The following NALCN variants were observed in gnomAD, a reference collection of about 807,000 sequenced individuals.
NALCN encodes the protein sodium leak channel NALCN.
In NALCN, 111 loss-of-function variants were observed where a neutral mutation model predicts 225.3. The observed-to-expected ratio is 0.49, with a 90% CI of 0.42 to 0.58. NALCN has a LOEUF of 0.58. Ranked by LOEUF, NALCN falls within the 20% of genes least tolerant of loss-of-function variation. The pLI, the probability that NALCN is intolerant of heterozygous loss-of-function variation, is 0.00. For synonymous variants in NALCN, 764 were observed against 769.0 expected (o/e 0.99, Z 0.11); for missense variants, 1,378 against 2,202.4 (o/e 0.63, Z 7.49).
chr13:101,209,411 C>T (rs1024028911), intron 13 of NALCN, among the ~76,000 whole-genome samples: 18 of 152,146 alleles, frequency 1.2e-4, no homozygotes, highest in Non-Finnish European at 2.2e-4. Context: ...AAATTAGTCA[C>T]GCTTGGTCCG....
intron 18 of NALCN, among the ~76,000 whole-genome samples, chr13:101,115,254 GT>G (rs1177505805): frequency 1.3e-5 from 2 of 151,596 alleles, no homozygotes; most frequent in African/African-American, 4.8e-5. Context: ...AGAAGAGACA[GT>G]AATGAAAAAA....
intron 12 of NALCN, among the ~76,000 whole-genome samples, chr13:101,231,857 C>A (rs938831328): frequency 1.3e-5 from 2 of 152,190 alleles, no homozygotes; most frequent in Admixed American, 6.5e-5. Context: ...TTTAGCAAAT[C>A]ATTCCTACCC....
At chr13:101,330,817 C>A (rs185214965) in intron 7 of NALCN, among the ~76,000 whole-genome samples, 6 of 152,112 alleles carry the variant, frequency 3.9e-5, no homozygotes, top group Non-Finnish European at 7.3e-5. Flanking sequence ...CAAGATCTGA[C>A]GGTTTTATAA....
chr13:101,187,748 G>A (rs1203507271), intron 14 of NALCN, among the ~76,000 whole-genome samples: 2 of 152,168 alleles, frequency 1.3e-5, no homozygotes, highest in African/African-American at 4.8e-5. Flanking sequence ...GAGAGTGTAA[G>A]AACACAGGAA....
At chr13:101,274,851 T>C (rs1430091646) in intron 10 of NALCN, among the ~76,000 whole-genome samples, 1 of 152,124 alleles carries the variant, frequency 6.6e-6, no homozygotes, top group Admixed American at 6.6e-5. Context: ...AAATGATCCC[T>C]GAGTTGTAAG....
chr13:101,131,110 G>A (rs964116607), intron 17 of NALCN, among the ~76,000 whole-genome samples: 2 of 151,744 alleles, frequency 1.3e-5, no homozygotes, highest in Admixed American at 6.6e-5. Flanking sequence ...GTTCCTTCTC[G>A]TTTAGTTTTC....
At chr13:101,258,049 T>C (rs2042297022) in intron 11 of NALCN, among the ~76,000 whole-genome samples, 1 of 152,200 alleles carries the variant, frequency 6.6e-6, no homozygotes, top group South Asian at 2.1e-4. Flanking sequence ...CTTCCAGCCC[T>C]CTTCTACGTA....
At chr13:101,236,893 A>T (rs1272705717) in intron 12 of NALCN, among the ~76,000 whole-genome samples, 1 of 151,328 alleles carries the variant, frequency 6.6e-6, no homozygotes, top group Non-Finnish European at 1.5e-5. Context: ...GTGCACATGT[A>T]CCCTAAAACT....
intron 7 of NALCN, among the ~76,000 whole-genome samples, chr13:101,329,778 C>T (rs945599364): frequency 1.3e-5 from 2 of 152,086 alleles, no homozygotes. Flanking sequence ...GTGGCTCACA[C>T]CTGTAATCTC....
intron 6 of NALCN, among the ~76,000 whole-genome samples, chr13:101,349,861 A>C (rs911690610): frequency 5.6e-4 from 86 of 152,246 alleles, no homozygotes; most frequent in African/African-American, 1.9e-3. Context: ...CCTCCAGCTC[A>C]ATAGGTCCCT....
At chr13:101,195,751 TG>T (rs2039865277) in intron 13 of NALCN, among the ~76,000 whole-genome samples, 3 of 152,176 alleles carry the variant, frequency 2.0e-5, no homozygotes, top group African/African-American at 7.2e-5. Context: ...CTCCCAAATT[TG>T]GATGTAAATC....
intron 6 of NALCN, among the ~76,000 whole-genome samples, chr13:101,356,931 C>T (rs1294225191): frequency 1.3e-5 from 2 of 152,116 alleles, no homozygotes; most frequent in African/African-American, 2.4e-5. Context: ...GAACCAGAGA[C>T]AAAAGCCACA....
intron 41 of NALCN, 141 bp downstream of exon 41, chr13:101,061,827 T>TA: frequency 4.2e-6 from 3 of 708,558 alleles, no homozygotes; most frequent in Non-Finnish European, 6.8e-6. Flanking sequence ...TAAGTGGAGG[T>TA]AGTGGACATA....
chr13:101,340,442 C>T (rs1310126019), intron 7 of NALCN, among the ~76,000 whole-genome samples: 2 of 152,164 alleles, frequency 1.3e-5, no homozygotes, highest in Non-Finnish European at 2.9e-5. Context: ...ACCATTTTCC[C>T]TCAAATAACA....
At position 101,084,707 on chromosome 13, in the gene NALCN, G is replaced by A. The variant is rs577947763; in HGVS notation, c.3490-903C>T. 1.7e-3 allele frequency among the ~76,000 whole-genome samples: 266 copies of A among 152,178 alleles called. 1 individual carries two copies. The highest frequency in any genetic ancestry group is 5.7e-3 in the African/African-American group (238 of 41,524). On this transcript the variant is annotated intron_variant, in intron 30 of 43. Coordinates refer to ENST00000251127, the MANE Select transcript of NALCN (RefSeq NM_052867.4). ...TGCTCACAAACACCATCCACTGTAC[G>A]AATATCCGAAGTTATTCATTTTTGA...
At chr13:101,079,205 G>C (rs543117063) in intron 34 of NALCN, among the ~76,000 whole-genome samples, 1 of 152,132 alleles carries the variant, frequency 6.6e-6, no homozygotes. Context: ...ATTTTATCTG[G>C]AGAAAGGAAA....
intron 17 of NALCN, 163 bp downstream of exon 17, chr13:101,142,917 A>C: frequency 1.0e-6 from 1 of 1,002,906 alleles, no homozygotes; most frequent in Non-Finnish European, 1.5e-6. Context: ...CAATGCATAG[A>C]GTAAAAAATG....
At chr13:101,279,845 AAAT>A (rs201233613) in intron 10 of NALCN, among the ~76,000 whole-genome samples, 10 of 89,474 alleles carry the variant, frequency 1.1e-4, no homozygotes, top group Non-Finnish European at 1.5e-4. Context: ...TAAAATAAAT[AAAT>A]AAATAAATAA....
At chr13:101,269,704 G>A (rs1321816672) in intron 10 of NALCN, among the ~76,000 whole-genome samples, 1 of 152,116 alleles carries the variant, frequency 6.6e-6, no homozygotes, top group East Asian at 1.9e-4. Flanking sequence ...TCTGCTTTGG[G>A]CACAAGAAGA....
Sources: gnomAD v4.1 joint callset for allele counts (sites outside exome capture counted in the v4.1 genomes callset) on GRCh38, gnomAD v4.1.1 for gene constraint, MANE v1.5 for transcripts, NCBI Gene and HGNC (gene_info 2026-07-23, HGNC 2026-07-21) for gene names.